Variants in ZNF385B observed in about 807,000 individuals in gnomAD.
ZNF385B encodes zinc finger protein 533.
A neutral mutation model predicts 39.2 loss-of-function variants in ZNF385B; 23 were observed. The ratio of observed to expected loss-of-function variants is 0.59; its 90% CI spans 0.42 to 0.83. The LOEUF is 0.83. Ranked by LOEUF, ZNF385B falls within the 40% of genes least tolerant of loss-of-function variation. The pLI is 0.00. For missense variants in ZNF385B, 552 were observed against 598.9 expected (o/e 0.92, Z 0.82); for synonymous variants, 205 against 222.6 (o/e 0.92, Z 0.70).
chr2:179,807,175 A>G (rs1371885386), intron 1 of ZNF385B, among the ~76,000 whole-genome samples: 1 of 152,274 alleles, frequency 6.6e-6, no homozygotes, highest in Admixed American at 6.5e-5. Flanking sequence ...AATGTCTATA[A>G]GTGAATGACT....
chr2:179,672,830 C>A (rs182799637), intron 3 of ZNF385B, among the ~76,000 whole-genome samples: 1 of 152,240 alleles, frequency 6.6e-6, no homozygotes. Flanking sequence ...TTATAAGCCA[C>A]CAAGTTTAAG....
rs1689408052 is a variant in ZNF385B, at chr2:179,612,870, G to A, written c.299-67901C>T. On this transcript the variant is annotated intron_variant, in intron 3 of 9. Coordinates refer to ENST00000410066, the MANE Select transcript of ZNF385B (RefSeq NM_152520.6). ...GAACGTCTAGAGATGCCATCCAGGA[G>A]CCAGGATCTGAGTCAGAAACCTTAG... 2.0e-5 allele frequency among the ~76,000 whole-genome samples: 3 copies of A among 152,200 alleles called. No homozygotes were observed. The South Asian group carries it at 6.2e-4, about 31-fold the overall frequency.
chr2:179,493,768 CATATAT>C (rs2055770236), intron 5 of ZNF385B, among the ~76,000 whole-genome samples: 1 of 86,218 alleles, frequency 1.2e-5, no homozygotes, highest in Non-Finnish European at 2.6e-5. Flanking sequence ...TATATGTATA[CATATAT>C]GTATATACAC....
intron 1 of ZNF385B, among the ~76,000 whole-genome samples, chr2:179,831,047 T>C (rs1249792851): frequency 6.6e-6 from 1 of 152,220 alleles, no homozygotes; most frequent in East Asian, 1.9e-4. Flanking sequence ...ACTTTTATTT[T>C]TTATTTTCAG....
At chr2:179,568,757 A>C (rs1684879860) in intron 3 of ZNF385B, among the ~76,000 whole-genome samples, 1 of 152,210 alleles carries the variant, frequency 6.6e-6, no homozygotes, top group Non-Finnish European at 1.5e-5. Context: ...CAGGTATGTG[A>C]GGATCCTCAG....
At chr2:179,650,456 T>G (rs888423246) in intron 3 of ZNF385B, among the ~76,000 whole-genome samples, 2 of 152,176 alleles carry the variant, frequency 1.3e-5, no homozygotes, top group Non-Finnish European at 2.9e-5. Flanking sequence ...GAAAGTGACA[T>G]ACATTATTCA....
intron 1 of ZNF385B, among the ~76,000 whole-genome samples, chr2:179,784,198 C>A (rs1277740451): frequency 1.3e-5 from 2 of 152,088 alleles, no homozygotes; most frequent in Admixed American, 1.3e-4. Flanking sequence ...TGGAGGCTAT[C>A]ATCCTTAGCA....
At chr2:179,668,719 A>G (rs1349868740) in intron 3 of ZNF385B, among the ~76,000 whole-genome samples, 2 of 152,080 alleles carry the variant, frequency 1.3e-5, no homozygotes, top group African/African-American at 4.8e-5. Flanking sequence ...GCTAGGGGAA[A>G]AAAGGGACAA....
chr2:179,768,958 GT>G (rs1375590017), intron 3 of ZNF385B, among the ~76,000 whole-genome samples: 1 of 152,196 alleles, frequency 6.6e-6, no homozygotes, highest in Non-Finnish European at 1.5e-5. Flanking sequence ...AGCCTTGTTG[GT>G]TTTGGCAATG....
intron 3 of ZNF385B, among the ~76,000 whole-genome samples, chr2:179,687,399 A>C (rs1055644091): frequency 6.6e-6 from 1 of 152,070 alleles, no homozygotes; most frequent in Non-Finnish European, 1.5e-5. Context: ...CTCTTCATTC[A>C]CATTATAAAC....
intron 3 of ZNF385B, among the ~76,000 whole-genome samples, chr2:179,612,469 G>A (rs1689368530): frequency 6.6e-6 from 1 of 151,768 alleles, no homozygotes. Context: ...TAATGCTGTA[G>A]CTCTTGCAGA....
chr2:179,746,140 C>T, intron 3 of ZNF385B: 3 of 591,778 alleles, frequency 5.1e-6, no homozygotes, highest in Non-Finnish European at 6.4e-6. Context: ...CAAATTCAAG[C>T]AAACCACAAG....
rs140488102 is a variant in ZNF385B at position 179,856,018 on chromosome 2, T to C, written c.-155+5083A>G. Among the ~76,000 whole-genome samples, 356 of 152,262 alleles carry C rather than the reference T, an allele frequency of 2.3e-3. 3 individuals carry two copies. The highest frequency in any genetic ancestry group is 8.3e-3 in the African/African-American group (344 of 41,532). ...CACTGCCTTTACAGACCAGGTACTA[T>C]AGTTCTCCATCCAGGCTGGAAAGGG... On this transcript the variant is annotated intron_variant, in intron 1 of 9. Transcript: ENST00000410066.
intron 1 of ZNF385B, among the ~76,000 whole-genome samples, chr2:179,799,805 A>G (rs1705914088): frequency 6.6e-6 from 1 of 152,130 alleles, no homozygotes; most frequent in Admixed American, 6.6e-5. Context: ...GTTTGCTAAA[A>G]TCCAATCTCA....
At chr2:179,565,564 G>A (rs1684457753) in intron 3 of ZNF385B, among the ~76,000 whole-genome samples, 1 of 152,190 alleles carries the variant, frequency 6.6e-6, no homozygotes, top group African/African-American at 2.4e-5. Flanking sequence ...CATCTTATTT[G>A]TCTTTTTGTC....
intron 4 of ZNF385B, among the ~76,000 whole-genome samples, chr2:179,543,966 T>A (rs554743192): frequency 2.0e-5 from 3 of 152,340 alleles, no homozygotes; most frequent in East Asian, 3.9e-4. Flanking sequence ...AATTTTTTTT[T>A]ATTACAGCAG....
At chr2:179,814,849 A>C (rs1346001750) in intron 1 of ZNF385B, among the ~76,000 whole-genome samples, 1 of 152,276 alleles carries the variant, frequency 6.6e-6, no homozygotes, top group Non-Finnish European at 1.5e-5. Context: ...AAGAAAAATA[A>C]TAACACTGAT....
At chr2:179,693,612 G>A (rs116603025) in intron 3 of ZNF385B, among the ~76,000 whole-genome samples, 2,445 of 151,930 alleles carry the variant, frequency 0.016, 29 homozygotes, top group Admixed American at 0.027. Flanking sequence ...CATTGGCTAC[G>A]TTTTTTTGAC....
chr2:179,720,055 C>T (rs1700581991), intron 3 of ZNF385B, among the ~76,000 whole-genome samples: 1 of 152,116 alleles, frequency 6.6e-6, no homozygotes, highest in Non-Finnish European at 1.5e-5. Context: ...CAGTATTGAA[C>T]AGAGCTAATG....
Sources: gnomAD v4.1 joint callset for allele counts (sites outside exome capture counted in the v4.1 genomes callset) on GRCh38, gnomAD v4.1.1 for gene constraint, MANE v1.5 for transcripts, NCBI Gene and HGNC (gene_info 2026-07-23, HGNC 2026-07-21) for gene names.